MYO1D: variants seen among roughly 807,000 people sequenced by gnomAD.
MYO1D encodes myosin ID.
In MYO1D, 83 loss-of-function variants were observed where a neutral mutation model predicts 122.0. That is an observed-to-expected ratio of 0.68 (90% CI 0.57 to 0.82). MYO1D has a LOEUF of 0.82. MYO1D is among the 40% of genes least tolerant of loss of function. MYO1D has a pLI of 0.00. For synonymous variants in MYO1D, 464 were observed against 446.9 expected (o/e 1.04, Z -0.48); for missense variants, 1,157 against 1,269.5 (o/e 0.91, Z 1.35).
At chr17:32,646,130 C>G (rs2088290621) in intron 19 of MYO1D, among the ~76,000 whole-genome samples, 1 of 152,116 alleles carries the variant, frequency 6.6e-6, no homozygotes, top group Non-Finnish European at 1.5e-5. Flanking sequence ...CAGTCAGGAT[C>G]CCATGAATAT....
intron 21 of MYO1D, among the ~76,000 whole-genome samples, chr17:32,549,700 T>A (rs544850933): frequency 6.6e-6 from 1 of 152,330 alleles, no homozygotes; most frequent in East Asian, 1.9e-4. Flanking sequence ...AGGTGTGTGG[T>A]CTATGCAAAT....
intron 8 of MYO1D, among the ~76,000 whole-genome samples, chr17:32,762,363 TCA>T (rs1414893638): frequency 6.6e-6 from 1 of 152,156 alleles, no homozygotes; most frequent in Non-Finnish European, 1.5e-5. Context: ...CTTGCTTCTC[TCA>T]TTCTCCACAT....
At chr17:32,852,709 T>C (rs1487751265) in intron 1 of MYO1D, among the ~76,000 whole-genome samples, 2 of 152,206 alleles carry the variant, frequency 1.3e-5, no homozygotes, top group African/African-American at 2.4e-5. Flanking sequence ...TGAATATTAT[T>C]ATCTTATTGT....
At chr17:32,624,736 C>T (rs1319095324) in intron 20 of MYO1D, among the ~76,000 whole-genome samples, 1 of 151,792 alleles carries the variant, frequency 6.6e-6, no homozygotes. Flanking sequence ...GTTTTTTCCC[C>T]CCTAAAAGAA....
chr17:32,720,041 ACTAAT>A (rs979805419), intron 15 of MYO1D, among the ~76,000 whole-genome samples: 2 of 152,146 alleles, frequency 1.3e-5, no homozygotes, highest in Non-Finnish European at 2.9e-5. Flanking sequence ...TTTTTGACCA[ACTAAT>A]CTAAAGTATT....
At chr17:32,848,502 C>A (rs977351462) in intron 1 of MYO1D, among the ~76,000 whole-genome samples, 1 of 152,186 alleles carries the variant, frequency 6.6e-6, no homozygotes, top group African/African-American at 2.4e-5. Context: ...TAATTCTTTA[C>A]ATTTCCTTAT....
chr17:32,778,011 T>C (rs781736515), intron 3 of MYO1D, among the ~76,000 whole-genome samples: 29 of 152,200 alleles, frequency 1.9e-4, no homozygotes, highest in Non-Finnish European at 3.5e-4. Flanking sequence ...ATGATGATGA[T>C]GGGAAGGCAT....
intron 20 of MYO1D, among the ~76,000 whole-genome samples, chr17:32,636,970 C>T (rs571765489): frequency 3.3e-5 from 5 of 152,232 alleles, no homozygotes; most frequent in South Asian, 2.1e-4. Context: ...ATCCCACTGA[C>T]GTTTTACCTT....
chr17:32,615,006 C>G (rs549664480), intron 20 of MYO1D, among the ~76,000 whole-genome samples: 1 of 152,356 alleles, frequency 6.6e-6, no homozygotes, highest in African/African-American at 2.4e-5. Flanking sequence ...CATTGTGGAG[C>G]AGAGGCATGC....
At chr17:32,680,722 C>G (rs1328049278) in intron 16 of MYO1D, among the ~76,000 whole-genome samples, 8 of 151,890 alleles carry the variant, frequency 5.3e-5, no homozygotes, top group African/African-American at 1.7e-4. Flanking sequence ...CTAAAATTCT[C>G]TTTTTTGGTT....
chr17:32,638,859 C>T, intron 19 of MYO1D, 24 bp from the exon 20 acceptor site: 2 of 1,462,912 alleles, frequency 1.4e-6, no homozygotes, highest in Non-Finnish European at 1.9e-6. Flanking sequence ...AACCAATAAA[C>T]CATAGTATCT....
intron 20 of MYO1D, among the ~76,000 whole-genome samples, chr17:32,625,993 C>T (rs185882896): frequency 6.6e-6 from 1 of 152,348 alleles, no homozygotes; most frequent in East Asian, 1.9e-4. Context: ...GTGACCTGGG[C>T]AGATTGCTTC....
intron 16 of MYO1D, among the ~76,000 whole-genome samples, chr17:32,672,478 G>GT (rs979906805): frequency 2.6e-5 from 4 of 151,590 alleles, no homozygotes; most frequent in African/African-American, 9.7e-5. Context: ...AATCATAAAG[G>GT]TTTTTTTTCG....
At chr17:32,677,215 C>T (rs2088824439) in intron 16 of MYO1D, among the ~76,000 whole-genome samples, 1 of 152,178 alleles carries the variant, frequency 6.6e-6, no homozygotes, top group South Asian at 2.1e-4. Flanking sequence ...AAATCAATTA[C>T]ATGCCCATAC....
chr17:32,595,363 T>G (rs546998574), intron 21 of MYO1D, among the ~76,000 whole-genome samples: 6 of 152,350 alleles, frequency 3.9e-5, no homozygotes, highest in Non-Finnish European at 8.8e-5. Context: ...GATAAATGTC[T>G]GAGGTGATAG....
chr17:32,495,794 G>T (rs1022135548), intron 21 of MYO1D: 1 of 152,362 alleles, frequency 6.6e-6, no homozygotes, highest in African/African-American at 2.4e-5. Context: ...CTCTGAGCTG[G>T]GAGGGGAGAG....
chr17:32,700,623 T>TG (rs2089235225), intron 16 of MYO1D, among the ~76,000 whole-genome samples: 1 of 78,358 alleles, frequency 1.3e-5, no homozygotes, highest in South Asian at 4.9e-4. Flanking sequence ...GAGGAATTGA[T>TG]GAAGATAAAA....
At chr17:32,671,105 T>C (rs916193904) in intron 16 of MYO1D, among the ~76,000 whole-genome samples, 5 of 152,206 alleles carry the variant, frequency 3.3e-5, no homozygotes, top group African/African-American at 2.4e-5. Flanking sequence ...TCCCTGTTTG[T>C]TGGGCTGCAG....
At chr17:32,631,652 A>T (rs1845151704) in intron 20 of MYO1D, among the ~76,000 whole-genome samples, 1 of 152,198 alleles carries the variant, frequency 6.6e-6, no homozygotes, top group South Asian at 2.1e-4. Flanking sequence ...GTCTCTTAAA[A>T]AAAAAAAAGG....
Sources: gnomAD v4.1 joint callset for allele counts (sites outside exome capture counted in the v4.1 genomes callset) on GRCh38, gnomAD v4.1.1 for gene constraint, MANE v1.5 for transcripts, NCBI Gene and HGNC (gene_info 2026-07-23, HGNC 2026-07-21) for gene names.